Variants in ABAT observed in about 807,000 individuals in gnomAD.
ABAT encodes the protein 4-aminobutyrate aminotransferase.
Under a neutral mutation model 64.6 loss-of-function variants are expected in ABAT, and 45 were observed. The ratio of observed to expected loss-of-function variants is 0.70; its 90% CI spans 0.55 to 0.89. The LOEUF (loss-of-function observed/expected upper bound fraction) is 0.89. Ranked by LOEUF, ABAT falls within the 40% of genes least tolerant of loss-of-function variation. The probability of loss-of-function intolerance (pLI) is 0.00; values close to 1 mark genes in which losing one functional copy is unlikely to be tolerated. For synonymous variants in ABAT, 297 were observed against 250.5 expected, an observed-to-expected ratio of 1.19 and a Z score of -1.75; for missense variants, 633 against 658.4, an observed-to-expected ratio of 0.96 and a Z score of 0.42.
At chr16:8,773,105 T>TACACACACACACACACAC (rs35248639) in intron 12 of ABAT, among the ~76,000 whole-genome samples, 188 bp downstream of exon 12, 79 of 109,014 alleles carry the variant, frequency 7.2e-4, no homozygotes, top group East Asian at 3.1e-3. Flanking sequence ...CCTAAAACTA[T>TACACACACACACACACAC]ACACACACAC....
intron 3 of ABAT, among the ~76,000 whole-genome samples, chr16:8,746,888 G>T (rs2059348711): frequency 6.6e-6 from 1 of 152,162 alleles, no homozygotes; most frequent in South Asian, 2.1e-4. Flanking sequence ...CTGTTGAGCA[G>T]ACAGCTCTGT....
intron 11 of ABAT, among the ~76,000 whole-genome samples, chr16:8,770,773 A>G (rs917952341): frequency 1.3e-5 from 2 of 152,220 alleles, no homozygotes; most frequent in African/African-American, 4.8e-5. Flanking sequence ...ACAAAGAAAT[A>G]GGTGAAATTC....
chr16:8,675,267 AG>A (rs1429441358), intron 1 of ABAT, among the ~76,000 whole-genome samples: 1 of 152,084 alleles, frequency 6.6e-6, no homozygotes, highest in Non-Finnish European at 1.5e-5. Flanking sequence ...ATTCACCCTT[AG>A]CCCTGCCGGA....
At position 8,777,239 on chromosome 16, in the gene ABAT, C is replaced by T. The variant is rs118062987; in HGVS notation, c.1269+749C>T. ...TTGACACCAATTTCAGACATCCCCC[C>T]TTTGAGAGTCCCCCAAGCACTCCCT... On this transcript the variant is annotated intron_variant, in intron 14 of 15. Transcript: ENST00000268251. Among the ~76,000 whole-genome samples the T allele has an allele frequency of 2.6e-3, 398 of 152,122 alleles. 14 individuals carry two copies. In the East Asian group the frequency reaches 0.068, roughly 26 times the overall value.
intron 1 of ABAT, among the ~76,000 whole-genome samples, chr16:8,701,629 TG>T (rs1304029765): frequency 6.6e-6 from 1 of 152,226 alleles, no homozygotes; most frequent in Non-Finnish European, 1.5e-5. Context: ...CAAACCTTAA[TG>T]ATCAATAAAC....
At chr16:8,725,064 C>G (rs879332290) in intron 1 of ABAT, among the ~76,000 whole-genome samples, 3 of 152,034 alleles carry the variant, frequency 2.0e-5, no homozygotes, top group Admixed American at 1.3e-4. Flanking sequence ...TTACAGGCGC[C>G]TGCCACCACG....
chr16:8,707,865 C>T (rs923090095), intron 1 of ABAT, among the ~76,000 whole-genome samples: 1 of 152,098 alleles, frequency 6.6e-6, no homozygotes, highest in African/African-American at 2.4e-5. Context: ...CCACTGCACC[C>T]GGCCAGGAGT....
intron 1 of ABAT, among the ~76,000 whole-genome samples, chr16:8,733,938 T>C (rs1731085): frequency 0.83 from 126,113 of 152,184 alleles, 52,649 homozygotes; most frequent in Non-Finnish European, 0.87. Context: ...TGTCTTCCAG[T>C]CTCATCCATG....
At chr16:8,775,577 C>T (rs1476378966) in intron 13 of ABAT, among the ~76,000 whole-genome samples, 1 of 152,074 alleles carries the variant, frequency 6.6e-6, no homozygotes, top group African/African-American at 2.4e-5. Context: ...CACACACACA[C>T]ACACACAGCC....
rs567506790 is a variant in ABAT at position 8,776,535 on chromosome 16, C to G, written c.1269+45C>G. ...CCCGCCCCCACCACCCATGGCTCCC[C>G]GCAGCAGCCTCCGGGGCAACACTGG... is the stretch of plus-strand genomic sequence containing the variant. On this transcript the variant is annotated intron_variant, in intron 14 of 15. Transcript: ENST00000268251. This position sits in a 1 kb window ranked among gnomAD's most constrained non-coding sequence, Gnocchi z 4.4. 1 of 1,543,986 alleles carries G rather than the reference C, an allele frequency of 6.5e-7. No homozygotes were observed. The highest frequency in any genetic ancestry group is 8.8e-7 in the Non-Finnish European group (1 of 1,141,512).
At chr16:8,740,679 T>G (rs2059138811) in intron 2 of ABAT, among the ~76,000 whole-genome samples, 1 of 152,242 alleles carries the variant, frequency 6.6e-6, no homozygotes, top group Non-Finnish European at 1.5e-5. Context: ...TCTGACATGG[T>G]GTTCCCAATG....
At chr16:8,772,309 C>T (rs1260357013) in intron 11 of ABAT, among the ~76,000 whole-genome samples, 1 of 143,724 alleles carries the variant, frequency 7.0e-6, no homozygotes, top group African/African-American at 2.5e-5. Flanking sequence ...TGTGTGAATG[C>T]TCTCACCTTT....
intron 14 of ABAT, among the ~76,000 whole-genome samples, chr16:8,778,973 C>T (rs73501442): frequency 2.0e-5 from 3 of 152,270 alleles, no homozygotes; most frequent in African/African-American, 7.2e-5. Context: ...CTCCCAGTCT[C>T]AAAGCCCTGA....
chr16:8,738,622 G>GGTTTT (rs2059060206), intron 2 of ABAT, among the ~76,000 whole-genome samples: 1 of 111,374 alleles, frequency 9.0e-6, no homozygotes, highest in Non-Finnish European at 1.7e-5. Flanking sequence ...TTTTGTTTTT[G>GGTTTT]TTTTTGTTTT....
chr16:8,772,794 T>G lies in ABAT; in HGVS notation c.831T>G (p.Ile277Met), dbSNP rs752480191. The G allele has an allele frequency of 3.1e-6, 5 of 1,614,062 alleles. No homozygotes were observed. The highest frequency in any genetic ancestry group is 2.2e-5 in the East Asian group (1 of 44,866). Residue 277 changes from isoleucine (I) to methionine (M), a missense_variant, in exon 12 of 16, where the codon ATT becomes ATG. Transcript: ENST00000268251. ...TTGGGATCCAGGTGGAGGATCTGAT[T>G]GTGAAATATCGGAAAAAGAAGAAGA... The part of the protein sequence containing the change: ...ARCLEEVEDL[I>M]VKYRKKKKTV...
In ABAT at chr16:8,764,426, T is replaced by C. The variant is rs1011623688; in HGVS notation, c.447+277T>C. The stretch of plus-strand genomic sequence containing the variant: ...GCCCCCACTTCTCGGTTTTAGTTAC[T>C]ACAAACGATTAAAGCCATTGGGAGC... On this transcript the variant is annotated intron_variant, in intron 7 of 15. Coordinates refer to ENST00000268251, the MANE Select transcript of ABAT (RefSeq NM_020686.6). This position sits in a 1 kb window ranked among gnomAD's most constrained non-coding sequence, Gnocchi z 4.2. 5.3e-5 allele frequency among the ~76,000 whole-genome samples: 8 copies of C among 152,208 alleles called. No homozygotes were observed.
intron 6 of ABAT, among the ~76,000 whole-genome samples, chr16:8,760,799 A>G (rs946095438): frequency 1.6e-4 from 25 of 152,192 alleles, no homozygotes; most frequent in African/African-American, 3.1e-4. Flanking sequence ...TTCCGGCTGC[A>G]TGTGGTGGCT....
chr16:8,739,120 G>A (rs573654092), intron 2 of ABAT, among the ~76,000 whole-genome samples: 1 of 152,368 alleles, frequency 6.6e-6, no homozygotes, highest in East Asian at 1.9e-4. Context: ...TGCATGCCAA[G>A]TGCTGTGCTG....
At chr16:8,685,045 G>A (rs2057421256) in intron 1 of ABAT, among the ~76,000 whole-genome samples, 1 of 152,110 alleles carries the variant, frequency 6.6e-6, no homozygotes, top group Non-Finnish European at 1.5e-5. Flanking sequence ...AGCACTTTGG[G>A]AGGCCGAGGT....
Sources: allele counts gnomAD v4.1 joint callset (sites outside exome capture counted in the v4.1 genomes callset), GRCh38; gene constraint gnomAD v4.1.1; non-coding constraint Gnocchi (gnomAD v3.1); transcripts MANE v1.5; gene names NCBI Gene and HGNC (gene_info 2026-07-23, HGNC 2026-07-21).